Variants in RIMS3 observed in about 807,000 individuals in gnomAD.
RIMS3 encodes regulating synaptic membrane exocytosis 3, also known as regulating synaptic membrane exocytosis protein 3.
In RIMS3, 15 loss-of-function variants were observed where a neutral mutation model predicts 29.2. That is an observed-to-expected ratio of 0.51 (90% CI 0.34 to 0.79). The LOEUF is 0.79. RIMS3 is among the 30% of genes least tolerant of loss of function. The pLI is 0.01. For missense variants in RIMS3, 342 were observed against 421.4 expected (o/e 0.81, Z 1.65); for synonymous variants, 161 against 170.1 (o/e 0.95, Z 0.41).
At chr1:40,637,817 CAG>C (rs1238845580) in intron 3 of RIMS3, among the ~76,000 whole-genome samples, 1 of 152,212 alleles carries the variant, frequency 6.6e-6, no homozygotes, top group Non-Finnish European at 1.5e-5. Context: ...ACCTCACACA[CAG>C]AGGCCTGGGT....
the RIMS3 span, among the ~76,000 whole-genome samples, chr1:40,671,757 C>CTTTTTTTTT: frequency 6.9e-5 from 9 of 130,298 alleles, no homozygotes; most frequent in South Asian, 2.4e-4. Context: ...CCTTTCTTTT[C>CTTTTTTTTT]TTTTTTTTTT....
At chr1:40,675,701 T>G in the RIMS3 span, among the ~76,000 whole-genome samples, 1 of 142,732 alleles carries the variant, frequency 7.0e-6, no homozygotes, top group African/African-American at 2.7e-5. Flanking sequence ...GAGGTTGCGG[T>G]GAGCTGAGAT....
rs868295421 is a variant in RIMS3, at chr1:40,632,411, T to C, written c.472+658A>G. On this transcript the variant is annotated intron_variant, in intron 5 of 7. Coordinates refer to ENST00000372684, the MANE Select transcript of RIMS3 (RefSeq NM_014747.3). The stretch of plus-strand genomic sequence containing the variant: ...ACGGTTTTCCATATGAAAAAATACA[T>C]ATAAATTTATATATATATATATATA... 7.7e-5 allele frequency among the ~76,000 whole-genome samples: 9 copies of C among 116,364 alleles called. 1 individual carries two copies. Among genetic ancestry groups the C allele is most frequent in the South Asian group, 2.8e-4 (1 of 3,580 alleles). 76.3% of individuals were successfully genotyped at this position (116,364 alleles called of 152,430 possible).
the RIMS3 span, among the ~76,000 whole-genome samples, chr1:40,672,588 C>A: frequency 6.6e-6 from 1 of 152,156 alleles, no homozygotes; most frequent in African/African-American, 2.4e-5. Context: ...GAGAGAAAAT[C>A]GATGTGGTCT....
intron 4 of RIMS3, 92 bp from the exon 5 acceptor site, chr1:40,633,273 CCCTGGGCA>C: frequency 1.1e-6 from 1 of 939,598 alleles, no homozygotes; most frequent in Non-Finnish European, 1.7e-6. Flanking sequence ...GGCCCTGGGG[CCCTGGGCA>C]CGTCCCTCTG....
intron 1 of RIMS3, among the ~76,000 whole-genome samples, chr1:40,648,641 T>C (rs1056403065): frequency 6.6e-6 from 1 of 152,248 alleles, no homozygotes; most frequent in Non-Finnish European, 1.5e-5. Context: ...GATTCCTTTA[T>C]AAATCGTAAA....
chr1:40,671,762 T>A, the RIMS3 span, among the ~76,000 whole-genome samples: 3 of 149,350 alleles, frequency 2.0e-5, no homozygotes, highest in Middle Eastern at 3.5e-3. Context: ...CTTTTCTTTT[T>A]TTTTTTTTTT....
intron 2 of RIMS3, among the ~76,000 whole-genome samples, chr1:40,643,055 T>A (rs551811510): frequency 6.6e-6 from 1 of 152,306 alleles, no homozygotes; most frequent in African/African-American, 2.4e-5. Context: ...CATAATTGAT[T>A]TAAGTATTTC....
chr1:40,628,731 T>C, intron 7 of RIMS3, 79 bp downstream of exon 7: 1 of 1,584,728 alleles, frequency 6.3e-7, no homozygotes, highest in African/African-American at 1.3e-5. Context: ...TGGCACAGGA[T>C]GAATCATAAA....
chr1:40,626,819 C>T, intron 7 of RIMS3, 90 bp from the exon 8 acceptor site: 1 of 1,185,696 alleles, frequency 8.4e-7, no homozygotes, highest in Non-Finnish European at 1.3e-6. Flanking sequence ...TTCAGCAGGG[C>T]ACAGATGGAG....
At chr1:40,689,761 T>C in the RIMS3 span, among the ~76,000 whole-genome samples, 3 of 152,324 alleles carry the variant, frequency 2.0e-5, no homozygotes, top group South Asian at 2.1e-4. Context: ...TAGGCTTATA[T>C]GTATCAATTG....
At chr1:40,661,873 G>T (rs1642356204) in intron 1 of RIMS3, among the ~76,000 whole-genome samples, 1 of 152,212 alleles carries the variant, frequency 6.6e-6, no homozygotes. Flanking sequence ...GGGAGAACCT[G>T]GCCCCAAGGG....
At chr1:40,644,522 A>C (rs1646581677) in intron 2 of RIMS3, among the ~76,000 whole-genome samples, 2 of 152,180 alleles carry the variant, frequency 1.3e-5, no homozygotes, top group Non-Finnish European at 2.9e-5. Context: ...TAAGTAACTA[A>C]TTCTACAGTT....
intron 4 of RIMS3, among the ~76,000 whole-genome samples, chr1:40,634,769 C>T (rs1215169591): frequency 6.6e-6 from 1 of 151,944 alleles, no homozygotes; most frequent in Non-Finnish European, 1.5e-5. Context: ...TGGAGAAACC[C>T]CATCTCTACT....
Position 40,626,369 on chromosome 1 carries a change from T to C in RIMS3, c.*148A>G. ...ACGCACACACGCACACACTACAGTCTCCACTGCCAGCTGGGATGAGCCCAG... is the reference window on the plus strand; with the variant it reads ...ACGCACACACGCACACACTACAGTCCCCACTGCCAGCTGGGATGAGCCCAG... On this transcript the variant is annotated 3_prime_UTR_variant, in exon 8 of 8. Transcript: ENST00000372684. 1 of 739,016 alleles carries C rather than the reference T, an allele frequency of 1.4e-6. No individual in the cohort carries two copies. The highest frequency in any genetic ancestry group is 2.4e-6 in the Non-Finnish European group (1 of 424,808). The allele number at this position is 739,016 out of a possible 1,614,324, so 45.8% of individuals were successfully genotyped here. A position where few individuals can be genotyped will look rare whatever the true frequency, so the allele number is the denominator to read the frequency against.
the RIMS3 span, among the ~76,000 whole-genome samples, chr1:40,681,878 G>A: frequency 2.0e-5 from 3 of 152,028 alleles, no homozygotes; most frequent in Admixed American, 2.0e-4. Context: ...TTGTCACTCC[G>A]ACTGGAGTGC....
chr1:40,652,169 C>T (rs1313390101), intron 1 of RIMS3, among the ~76,000 whole-genome samples: 1 of 152,170 alleles, frequency 6.6e-6, no homozygotes, highest in Non-Finnish European at 1.5e-5. Flanking sequence ...CTTACAGGGG[C>T]TGCTAAACTT....
chr1:40,629,268 C>T lies in RIMS3; in HGVS notation c.574+3G>A. ...TCAGGACCCCATTTCCAAAATCCCT[C>T]ACCTGGGAGGGATTTGGAGCCTGGT... On this transcript the variant is annotated splice_donor_region_variant and intron_variant, in intron 6 of 7. Transcript: ENST00000372684. 6.2e-7 allele frequency: 1 copy of T among 1,613,590 alleles called. No homozygotes were observed. Among genetic ancestry groups the T allele is most frequent in the Non-Finnish European group, 8.5e-7 (1 of 1,179,510 alleles).
chr1:40,677,192 A>G, the RIMS3 span, among the ~76,000 whole-genome samples: 116 of 151,718 alleles, frequency 7.6e-4, 1 homozygote, highest in Non-Finnish European at 1.1e-3. Context: ...TTTAGTAGAA[A>G]TGGGGTTTCA....
Sources: gnomAD v4.1 joint callset for allele counts (sites outside exome capture counted in the v4.1 genomes callset) on GRCh38, gnomAD v4.1.1 for gene constraint, MANE v1.5 for transcripts, NCBI Gene and HGNC (gene_info 2026-07-23, HGNC 2026-07-21) for gene names.